Variants in UNC13C observed in about 807,000 individuals in gnomAD.
UNC13C encodes unc-13 homolog C, also known as protein unc-13 homolog C.
UNC13C carries 174 observed loss-of-function variants against 245.4 expected under a neutral mutation model. That is an observed-to-expected ratio of 0.71 (90% CI 0.63 to 0.80). The LOEUF is 0.80. Ranked by LOEUF, UNC13C falls within the 30% of genes least tolerant of loss-of-function variation. UNC13C has a pLI of 0.00. For synonymous variants in UNC13C, 992 were observed against 895.1 expected (o/e 1.11, Z -1.93); for missense variants, 2,829 against 2,602.9 (o/e 1.09, Z -1.89).
chr15:53,935,521 A>C, the UNC13C span, among the ~76,000 whole-genome samples: 2 of 152,228 alleles, frequency 1.3e-5, no homozygotes, highest in African/African-American at 4.8e-5. Context: ...AAATTAGTAC[A>C]TTTTGGCCAA....
chr15:54,504,339 C>T (rs948655859), intron 22 of UNC13C, among the ~76,000 whole-genome samples: 3 of 152,082 alleles, frequency 2.0e-5, no homozygotes, highest in African/African-American at 7.2e-5. Flanking sequence ...AATGATAATT[C>T]ATTGAGCATT....
At chr15:53,862,229 A>G in the UNC13C span, among the ~76,000 whole-genome samples, 1 of 152,194 alleles carries the variant, frequency 6.6e-6, no homozygotes, top group Non-Finnish European at 1.5e-5. Flanking sequence ...TCGTGGTCCA[A>G]TAACCAGATG....
At chr15:54,209,381 C>G (rs1323689657) in intron 4 of UNC13C, among the ~76,000 whole-genome samples, 1 of 151,828 alleles carries the variant, frequency 6.6e-6, no homozygotes, top group Non-Finnish European at 1.5e-5. Flanking sequence ...GTATCCTGAA[C>G]TGACCCTTTA....
intron 4 of UNC13C, among the ~76,000 whole-genome samples, chr15:54,221,541 C>A (rs138324280): frequency 6.6e-6 from 1 of 151,622 alleles, no homozygotes; most frequent in Non-Finnish European, 1.5e-5. Context: ...AGGTTATCAT[C>A]AAATAACTAA....
intron 17 of UNC13C, among the ~76,000 whole-genome samples, chr15:54,375,762 T>G (rs901046977): frequency 1.3e-5 from 2 of 152,200 alleles, no homozygotes; most frequent in East Asian, 3.9e-4. Context: ...GTGAGGACCC[T>G]GAACTCAGAT....
Position 54,216,356 on chromosome 15 carries a change from A to G in UNC13C, c.3072-18674A>G, listed in dbSNP as rs538253937. 1.4e-4 allele frequency among the ~76,000 whole-genome samples: 22 copies of G among 152,142 alleles called. No homozygotes were observed. The South Asian group carries it at 4.3e-3, about 30-fold the overall frequency. On this transcript the variant is annotated intron_variant, in intron 4 of 32. Transcript: ENST00000260323. The stretch of plus-strand genomic sequence containing the variant: ...CAGATTAGCTGTTATTTAGTATTTT[A>G]AACCTCTTTGTGAAATTGATGGTAA...
intron 2 of UNC13C, among the ~76,000 whole-genome samples, chr15:54,133,741 A>G (rs907727850): frequency 6.6e-6 from 1 of 152,128 alleles, no homozygotes; most frequent in African/African-American, 2.4e-5. Flanking sequence ...GCGAACAAAG[A>G]CTGTGTGTAT....
chr15:54,065,403 T>A (rs1258294095), intron 2 of UNC13C, among the ~76,000 whole-genome samples: 1 of 152,198 alleles, frequency 6.6e-6, no homozygotes, highest in Non-Finnish European at 1.5e-5. Context: ...CTGCACCCTT[T>A]TATATCTCCT....
chr15:53,919,887 A>G, the UNC13C span, among the ~76,000 whole-genome samples: 1 of 152,190 alleles, frequency 6.6e-6, no homozygotes, highest in Non-Finnish European at 1.5e-5. Flanking sequence ...TTCTCTTGAT[A>G]CAAGTAATAT....
At chr15:54,592,259 CG>C (rs1898832853) in intron 30 of UNC13C, among the ~76,000 whole-genome samples, 1 of 152,024 alleles carries the variant, frequency 6.6e-6, no homozygotes, top group African/African-American at 2.4e-5. Context: ...CTGAATAGAA[CG>C]TGTATTCTGT....
chr15:54,596,639 G>A (rs1002402404), intron 30 of UNC13C, among the ~76,000 whole-genome samples: 2 of 152,158 alleles, frequency 1.3e-5, no homozygotes, highest in African/African-American at 4.8e-5. Context: ...ATGTTGACAC[G>A]TGATCCCCCA....
intron 25 of UNC13C, among the ~76,000 whole-genome samples, chr15:54,529,541 G>T (rs1230744328): frequency 1.3e-5 from 2 of 152,136 alleles, no homozygotes; most frequent in East Asian, 1.9e-4. Context: ...TCAGCACCTA[G>T]AACAGTGATT....
At chr15:54,444,249 TATC>T (rs951650930) in intron 19 of UNC13C, among the ~76,000 whole-genome samples, 42 of 151,688 alleles carry the variant, frequency 2.8e-4, no homozygotes, top group Non-Finnish European at 5.3e-4. Flanking sequence ...TGACGTGGAA[TATC>T]ATTTTTCATT....
chr15:54,097,876 A>G (rs1007490288), intron 2 of UNC13C, among the ~76,000 whole-genome samples: 1 of 152,190 alleles, frequency 6.6e-6, no homozygotes, highest in African/African-American at 2.4e-5. Context: ...TGGGAACAAC[A>G]CTCATTTATA....
chr15:54,236,538 G>T lies in UNC13C; in HGVS notation c.3156+103G>T, dbSNP rs182063720. 5.8e-4 allele frequency: 508 copies of T among 872,542 alleles called. 2 individuals are homozygous for T. In the Middle Eastern group the frequency reaches 5.8e-3, roughly 10 times the overall value. The allele number at this position is 872,542 out of a possible 1,614,324, so 54.0% of individuals were successfully genotyped here. On this transcript the variant is annotated intron_variant, in intron 6 of 32. Coordinates refer to ENST00000260323, the MANE Select transcript of UNC13C (RefSeq NM_001080534.3). The stretch of plus-strand genomic sequence containing the variant: ...GAGGGCAAGAATGGAGAAATGAAAA[G>T]ACAGACATACAAGAATAAGAAGTTT...
chr15:54,190,148 T>C (rs1286008577), intron 4 of UNC13C, among the ~76,000 whole-genome samples: 3 of 152,134 alleles, frequency 2.0e-5, no homozygotes, highest in Non-Finnish European at 2.9e-5. Flanking sequence ...ACAAGTTGGT[T>C]AATACTCTTA....
chr15:53,901,755 A>G, the UNC13C span, among the ~76,000 whole-genome samples: 1 of 152,212 alleles, frequency 6.6e-6, no homozygotes, highest in Admixed American at 6.5e-5. Context: ...TTGCCAATTT[A>G]TAATGCCATC....
chr15:54,024,769 G>T (rs1896037001), intron 2 of UNC13C, among the ~76,000 whole-genome samples: 1 of 152,072 alleles, frequency 6.6e-6, no homozygotes, highest in African/African-American at 2.4e-5. Flanking sequence ...AAAAAAATTA[G>T]CCGGGCGTGG....
intron 14 of UNC13C, among the ~76,000 whole-genome samples, chr15:54,329,787 C>T (rs576499157): frequency 1.3e-5 from 2 of 152,122 alleles, no homozygotes; most frequent in South Asian, 4.1e-4. Flanking sequence ...TTCTATTTTC[C>T]TTGAATGTAA....
Sources: gnomAD v4.1 joint callset for allele counts (sites outside exome capture counted in the v4.1 genomes callset) on GRCh38, gnomAD v4.1.1 for gene constraint, MANE v1.5 for transcripts, NCBI Gene and HGNC (gene_info 2026-07-23, HGNC 2026-07-21) for gene names.